The following GLIS3 variants were observed in gnomAD, a reference collection of about 807,000 sequenced individuals.
GLIS3 encodes the protein GLIS family zinc finger 3.
A neutral mutation model predicts 78.6 loss-of-function variants in GLIS3; 53 were observed. The observed-to-expected ratio is 0.67, with a 90% CI of 0.54 to 0.85. GLIS3 has a LOEUF of 0.85. Ranked by LOEUF, GLIS3 falls within the 40% of genes least tolerant of loss-of-function variation. GLIS3 has a pLI of 0.00. For missense variants in GLIS3, 1,703 were observed against 1,231.1 expected (o/e 1.38, Z -5.74); for synonymous variants, 684 against 509.9 (o/e 1.34, Z -4.60).
chr9:4,115,095 C>T (rs1831532953), intron 4 of GLIS3, among the ~76,000 whole-genome samples: 1 of 152,182 alleles, frequency 6.6e-6, no homozygotes, highest in East Asian at 1.9e-4. Context: ...CTCTCACACA[C>T]CCCTATTTTA....
At chr9:4,050,375 C>T (rs897268397) in intron 4 of GLIS3, among the ~76,000 whole-genome samples, 12 of 152,110 alleles carry the variant, frequency 7.9e-5, no homozygotes, top group Non-Finnish European at 1.2e-4. Flanking sequence ...CATGTTCTCA[C>T]TCACAGGTGG....
chr9:4,408,721 T>C, the GLIS3 span, among the ~76,000 whole-genome samples: 5 of 113,304 alleles, frequency 4.4e-5, no homozygotes, highest in African/African-American at 8.3e-5. Context: ...AGCCAGACTC[T>C]GTCTCAAAAA....
At chr9:4,074,339 C>T (rs188346035) in intron 4 of GLIS3, among the ~76,000 whole-genome samples, 1 of 152,284 alleles carries the variant, frequency 6.6e-6, no homozygotes, top group East Asian at 1.9e-4. Flanking sequence ...TTTAGTTCTC[C>T]TCTTTCCTGA....
At chr9:3,975,859 T>A (rs1818743717) in intron 4 of GLIS3, among the ~76,000 whole-genome samples, 1 of 152,078 alleles carries the variant, frequency 6.6e-6, no homozygotes, top group Non-Finnish European at 1.5e-5. Flanking sequence ...AAATTGCACC[T>A]GTCAATAAAA....
chr9:4,192,350 T>C (rs144438823), intron 2 of GLIS3, among the ~76,000 whole-genome samples: 1 of 152,384 alleles, frequency 6.6e-6, no homozygotes, highest in African/African-American at 2.4e-5. Flanking sequence ...TCTAATTTTA[T>C]TTCAGTGACA....
chr9:3,885,434 GCT>G (rs1313980195), intron 7 of GLIS3, among the ~76,000 whole-genome samples: 1 of 152,172 alleles, frequency 6.6e-6, no homozygotes, highest in Non-Finnish European at 1.5e-5. Flanking sequence ...ATGCAGGCTT[GCT>G]CTCATAGAAA....
intron 2 of GLIS3, among the ~76,000 whole-genome samples, chr9:4,131,303 T>A (rs10758558): frequency 0.35 from 53,778 of 151,946 alleles, 9,859 homozygotes; most frequent in East Asian, 0.62. Context: ...ACTGTTGAGA[T>A]GGGATGATTG....
intron 2 of GLIS3, among the ~76,000 whole-genome samples, chr9:4,154,743 T>TG (rs1234071002): frequency 6.6e-6 from 1 of 152,164 alleles, no homozygotes; most frequent in African/African-American, 2.4e-5. Context: ...TATAAACCTT[T>TG]GGGGAAGCAA....
the GLIS3 span, among the ~76,000 whole-genome samples, chr9:4,402,301 G>A: frequency 5.3e-5 from 8 of 152,208 alleles, no homozygotes; most frequent in African/African-American, 1.9e-4. Flanking sequence ...CAGCATTACT[G>A]GGCTTGAGGC....
the GLIS3 span, among the ~76,000 whole-genome samples, chr9:4,355,139 AAAAGAAAAAG>A: frequency 7.6e-5 from 10 of 131,230 alleles, no homozygotes; most frequent in African/African-American, 2.6e-4. Context: ...CTCGAAAAAA[AAAAGAAAAAG>A]AAAAAGAAAA....
At chr9:4,175,545 C>T (rs759912311) in intron 2 of GLIS3, among the ~76,000 whole-genome samples, 37 of 152,106 alleles carry the variant, frequency 2.4e-4, no homozygotes, top group East Asian at 5.8e-4. Flanking sequence ...GGTTCTTAAC[C>T]GTGGTGGCTC....
At chr9:4,291,826 C>G (rs1274550808) in intron 1 of GLIS3, among the ~76,000 whole-genome samples, 1 of 152,160 alleles carries the variant, frequency 6.6e-6, no homozygotes, top group Non-Finnish European at 1.5e-5. Flanking sequence ...CTCCTTTGCA[C>G]TCTTCAGTGC....
At chr9:4,457,826 G>A in the GLIS3 span, among the ~76,000 whole-genome samples, 3 of 146,972 alleles carry the variant, frequency 2.0e-5, no homozygotes, top group Admixed American at 2.1e-4. Flanking sequence ...CTCCAGCCTG[G>A]CGACAGAACG....
Position 4,125,737 on chromosome 9 carries a change from G to A in GLIS3, c.593C>T (p.Thr198Ile), listed in dbSNP as rs375385243. The change falls in exon 3 of 11, where the codon ACC (threonine) becomes ATC (isoleucine). Residue 198 changes from threonine (T) to isoleucine (I), a missense_variant. By Grantham distance (89) the Thr-to-Ile change is moderately conservative. Coordinates refer to ENST00000381971, the MANE Select transcript of GLIS3 (RefSeq NM_001042413.2). ...AANLNIPPSD[T>I]RSLISRESLA... is the part of the protein sequence containing the mutation. ...GAAAAAAAAGTTAACTTGAGACCTG[G>A]TATCTGAAGGAGGTATATTCAGGTT... 3.7e-6 allele frequency: 6 copies of A among 1,612,094 alleles called. No individual in the cohort carries two copies. The highest frequency in any genetic ancestry group is 5.1e-6 in the Non-Finnish European group (6 of 1,178,756).
intron 2 of GLIS3, among the ~76,000 whole-genome samples, chr9:4,168,064 G>A (rs147822679): frequency 6.6e-6 from 1 of 152,136 alleles, no homozygotes; most frequent in Non-Finnish European, 1.5e-5. Flanking sequence ...ACCTGGCCCG[G>A]TTAAATGCAA....
chr9:3,877,324 ACTTAATGGATGGTTATCATTTGCGCTG>A (rs1262074563), intron 8 of GLIS3, among the ~76,000 whole-genome samples: 1 of 152,258 alleles, frequency 6.6e-6, no homozygotes, highest in Non-Finnish European at 1.5e-5. Flanking sequence ...ACGTCTGTGA[ACTTAATGGATGGTTATCATTTGCGCTG>A]CTTTGCTGAC....
At chr9:3,850,923 C>A (rs761451761) in intron 9 of GLIS3, among the ~76,000 whole-genome samples, 1 of 152,244 alleles carries the variant, frequency 6.6e-6, no homozygotes, top group Non-Finnish European at 1.5e-5. Context: ...TCAAGTATCA[C>A]TTCTACAGAC....
chr9:4,405,399 G>A, the GLIS3 span, among the ~76,000 whole-genome samples: 1 of 151,206 alleles, frequency 6.6e-6, no homozygotes, highest in South Asian at 2.1e-4. Flanking sequence ...AAGAAAGAAA[G>A]AAAGAAAAGA....
At chr9:4,006,541 G>A (rs758299878) in intron 4 of GLIS3, among the ~76,000 whole-genome samples, 1 of 152,140 alleles carries the variant, frequency 6.6e-6, no homozygotes, top group Non-Finnish European at 1.5e-5. Flanking sequence ...AGGAAGGACA[G>A]GGAATGCAGG....
Sources: gnomAD v4.1 joint callset for allele counts (sites outside exome capture counted in the v4.1 genomes callset) on GRCh38, gnomAD v4.1.1 for gene constraint, MANE v1.5 for transcripts, NCBI Gene and HGNC (gene_info 2026-07-23, HGNC 2026-07-21) for gene names.